Variants in CFHR4 observed in about 807,000 individuals in gnomAD.
CFHR4 encodes complement factor H related 4, also known as complement factor H-related protein 4.
CFHR4 carries 64 observed loss-of-function variants against 69.3 expected under a neutral mutation model. The ratio of observed to expected loss-of-function variants is 0.92; its 90% CI spans 0.76 to 1.14. CFHR4 has a LOEUF of 1.14. Among genes scored for constraint, CFHR4 ranks in the 50% most tolerant of loss-of-function variants. The pLI is 0.00. For synonymous variants in CFHR4, 244 were observed against 237.0 expected (o/e 1.03, Z -0.27); for missense variants, 636 against 684.9 (o/e 0.93, Z 0.80).
rs548322503 is a variant in CFHR4 at position 196,891,962 on chromosome 1, G to A, written c.58+3754G>A. Among the ~76,000 whole-genome samples, 3 of 151,426 alleles carry A rather than the reference G, an allele frequency of 2.0e-5. 1 individual carries two copies. Among genetic ancestry groups the A allele is most frequent in the South Asian group, 4.2e-4 (2 of 4,818 alleles). ...AAAATGCCACAAAACTCAACAAAATGTTTTATTTCTGGAGATAATTTGCTA... is the reference window on the plus strand; with the variant it reads ...AAAATGCCACAAAACTCAACAAAATATTTTATTTCTGGAGATAATTTGCTA... On this transcript the variant is annotated intron_variant, in intron 1 of 9. Transcript: ENST00000608469.
intron 1 of CFHR4, among the ~76,000 whole-genome samples, chr1:196,901,340 TTTAAATGAAGATACTTAAGA>T (rs1320299124): frequency 6.6e-6 from 1 of 151,350 alleles, no homozygotes; most frequent in Non-Finnish European, 1.5e-5. Context: ...TCACGTATCT[TTTAAATGAAGATACTTAAGA>T]GATGCAAGAA....
Position 196,892,150 on chromosome 1 carries a change from C to T in CFHR4, c.58+3942C>T, listed in dbSNP as rs1267655940. Among the ~76,000 whole-genome samples the T allele has an allele frequency of 2.6e-5, 4 of 151,302 alleles. 1 individual carries two copies. Among genetic ancestry groups the T allele is most frequent in the African/African-American group, 7.3e-5 (3 of 40,964 alleles). On this transcript the variant is annotated intron_variant, in intron 1 of 9. Coordinates refer to ENST00000608469, the MANE Select transcript of CFHR4 (RefSeq NM_001201550.3). ...ACGCTGATAAAATTTCCAGAATTGC[C>T]GAAGAGACCATACTACGTAGGAGAA...
Position 196,888,089 on chromosome 1 carries a change from T to C in CFHR4, c.-62T>C, listed in dbSNP as rs1558233005. ...ACACTTGGTAACTAATAATGAAAGATTTCAAACCCCAAACAGTGCAACTGA... is the reference window on the plus strand; with the variant it reads ...ACACTTGGTAACTAATAATGAAAGACTTCAAACCCCAAACAGTGCAACTGA... On this transcript the variant is annotated 5_prime_UTR_variant, in exon 1 of 10. Coordinates refer to ENST00000608469, the MANE Select transcript of CFHR4 (RefSeq NM_001201550.3). 6.5e-7 allele frequency: 1 copy of C among 1,547,820 alleles called. No homozygotes were observed. Among genetic ancestry groups the C allele is most frequent in the Non-Finnish European group, 8.9e-7 (1 of 1,124,358 alleles).
rs114923952 is a variant in CFHR4 at position 196,900,305 on chromosome 1, A to T, written c.59-2113A>T. Among the ~76,000 whole-genome samples the T allele has an allele frequency of 3.7e-3, 497 of 135,728 alleles. 19 individuals are homozygous for T. Among genetic ancestry groups the T allele is most frequent in the African/African-American group, 0.013 (467 of 35,706 alleles). 89.0% of individuals were successfully genotyped at this position (135,728 alleles called of 152,430 possible). On this transcript the variant is annotated intron_variant, in intron 1 of 9. Transcript: ENST00000608469. ...TTCTGCTGACTTCAGTGCCAATCAGATCATAGGTGGAATTTTTTTTTTTTT... is the reference window on the plus strand; with the variant it reads ...TTCTGCTGACTTCAGTGCCAATCAGTTCATAGGTGGAATTTTTTTTTTTTT...
At chr1:196,907,804 A>G (rs1374794779) in intron 5 of CFHR4, among the ~76,000 whole-genome samples, 1 of 151,458 alleles carries the variant, frequency 6.6e-6, no homozygotes, top group Non-Finnish European at 1.5e-5. Flanking sequence ...TCTCACCTTA[A>G]CATCAATAAC....
chr1:196,914,760 T>C (rs1184180686), intron 8 of CFHR4, 89 bp downstream of exon 8: 3 of 1,413,854 alleles, frequency 2.1e-6, no homozygotes, highest in East Asian at 5.0e-5. Flanking sequence ...TGTGTACATA[T>C]ATGTACATAT....
At position 196,904,081 on chromosome 1, in the gene CFHR4, A is replaced by G. The variant is rs145608329; in HGVS notation, c.257-1027A>G. On this transcript the variant is annotated intron_variant, in intron 2 of 9. Coordinates refer to ENST00000608469, the MANE Select transcript of CFHR4 (RefSeq NM_001201550.3). ...TGGTAATCTTCTTACACATTCATAG[A>G]AGCACTGCCCTCAACAACAGCCTAA... Among the ~76,000 whole-genome samples the G allele has an allele frequency of 8.5e-3, 1,293 of 151,732 alleles. 59 individuals carry two copies. Among genetic ancestry groups the G allele is most frequent in the African/African-American group, 0.03 (1,235 of 41,216 alleles).
At chr1:196,909,959 C>G (rs1396757851) in intron 5 of CFHR4, among the ~76,000 whole-genome samples, 2 of 150,992 alleles carry the variant, frequency 1.3e-5, no homozygotes, top group African/African-American at 4.9e-5. Context: ...CGAGACCAGC[C>G]TGACCAATAT....
Position 196,918,242 on chromosome 1 carries a change from A to T in CFHR4, c.1573A>T (p.Lys525Ter). The T allele has an allele frequency of 6.2e-7, 1 of 1,605,436 alleles. No individual in the cohort carries two copies. Among genetic ancestry groups the T allele is most frequent in the South Asian group, 1.1e-5 (1 of 90,890 alleles). Residue 525 changes from lysine (K) to a stop codon, truncating the protein, a stop_gained, in exon 10 of 10, where the codon AAA (lysine) becomes TAA (stop). Coordinates refer to ENST00000608469, the MANE Select transcript of CFHR4 (RefSeq NM_001201550.3). LOFTEE classifies it low-confidence loss of function (END_TRUNC). ...PCIITEENMNKNNIQLKGKSD... is the reference protein window; with the variant it reads ...PCIITEENMN ...TATAATAACTGAAGAAAACATGAAT[A>T]AAAATAACATACAGTTAAAAGGAAA...
At chr1:196,905,081 C>G in intron 2 of CFHR4, 27 bp from the exon 3 acceptor site, 1 of 1,551,000 alleles carries the variant, frequency 6.4e-7, no homozygotes, top group Non-Finnish European at 8.8e-7. Flanking sequence ...CAAATATTTA[C>G]TTTTTTCTCT....
intron 1 of CFHR4, among the ~76,000 whole-genome samples, chr1:196,894,282 T>C (rs1164149070): frequency 6.6e-6 from 1 of 151,530 alleles, no homozygotes; most frequent in Non-Finnish European, 1.5e-5. Flanking sequence ...TAATAATTGT[T>C]TTTCTAAACT....
chr1:196,897,995 T>A (rs1657402979), intron 1 of CFHR4, among the ~76,000 whole-genome samples: 2 of 151,514 alleles, frequency 1.3e-5, no homozygotes, highest in African/African-American at 4.9e-5. Context: ...CTGTGTGGAA[T>A]ACATGGATGG....
rs761767894 is a variant in CFHR4, at chr1:196,912,895, G to A, written c.1153G>A (p.Gly385Arg). Reference protein sequence around the residue: ...SSGSITCLQNGWSAQPICIKF... With the variant: ...SSGSITCLQNRWSAQPICIKF... ...AGGTTCAATTACATGTTTGCAAAAT[G>A]GATGGTCAGCACAACCAATTTGCAT... is the stretch of plus-strand genomic sequence containing the variant. The change falls in exon 7 of 10, where the codon GGA (glycine) becomes AGA (arginine). Residue 385 changes from glycine (G) to arginine (R), a missense_variant. Coordinates refer to ENST00000608469, the MANE Select transcript of CFHR4 (RefSeq NM_001201550.3). The A allele has an allele frequency of 1.6e-5, 26 of 1,611,590 alleles. No homozygotes were observed. In the Admixed American group the frequency reaches 4.0e-4, roughly 25 times the overall value.
At chr1:196,888,232 C>A (rs761581191) in intron 1 of CFHR4, 24 bp downstream of exon 1, 9 of 1,605,742 alleles carry the variant, frequency 5.6e-6, no homozygotes, top group South Asian at 2.2e-5. Context: ...GATCTAAACA[C>A]TCAGCTTCCC....
intron 1 of CFHR4, among the ~76,000 whole-genome samples, chr1:196,901,499 G>T (rs556122313): frequency 2.6e-5 from 4 of 151,252 alleles, no homozygotes; most frequent in African/African-American, 7.3e-5. Context: ...AATATTGTGC[G>T]TGTGTGTGTG....
In CFHR4 at chr1:196,917,565, C is replaced by T. The variant is rs192013145; in HGVS notation, c.1541-645C>T. Among the ~76,000 whole-genome samples the T allele has an allele frequency of 3.3e-3, 502 of 151,342 alleles. 19 individuals are homozygous for T. Among genetic ancestry groups the T allele is most frequent in the African/African-American group, 0.011 (469 of 40,960 alleles). ...ATCATGTAGGGATTCACATTAACTCCTGTGTGCTTATCCTTGCCTCTTTAA... is the reference window on the plus strand; with the variant it reads ...ATCATGTAGGGATTCACATTAACTCTTGTGTGCTTATCCTTGCCTCTTTAA... On this transcript the variant is annotated intron_variant, in intron 9 of 9. Transcript: ENST00000608469.
At chr1:196,912,078 T>A (rs1378425703) in intron 6 of CFHR4, among the ~76,000 whole-genome samples, 3 of 151,404 alleles carry the variant, frequency 2.0e-5, no homozygotes, top group Non-Finnish European at 4.4e-5. Flanking sequence ...AAATAATTAC[T>A]ACCTTATACA....
At position 196,905,264 on chromosome 1, in the gene CFHR4, G is replaced by T. The variant is rs779625743; in HGVS notation, c.413G>T (p.Gly138Val). The T allele has an allele frequency of 2.4e-5, 39 of 1,611,224 alleles. No homozygotes were observed. Among genetic ancestry groups the T allele is most frequent in the Non-Finnish European group, 3.1e-5 (36 of 1,178,758 alleles). The change falls in exon 3 of 10, where the codon GGA becomes GTA. Residue 138 changes from glycine to valine, a missense_variant. Physicochemically the swap from Gly to Val is moderately radical, Grantham distance 109 (BLOSUM62 -3). Coordinates refer to ENST00000608469, the MANE Select transcript of CFHR4 (RefSeq NM_001201550.3). ...SSGSITCLQNGWSTQPICIKF... is the reference protein window; with the variant it reads ...SSGSITCLQNVWSTQPICIKF... The stretch of plus-strand genomic sequence containing the variant: ...GGATCAATTACATGTTTGCAAAATG[G>T]ATGGTCAACACAACCAATTTGCATT...
rs1358131321 is a variant in CFHR4, at chr1:196,910,450, T to C, written c.969T>C (p.Asp323=). 4 of 1,612,826 alleles carry C rather than the reference T, an allele frequency of 2.5e-6. No homozygotes were observed. The Admixed American group carries it at 5.0e-5, about 20-fold the overall frequency. ...SYWDYIHCTQ[D]GWLPTVPCLR... is the part of the protein sequence containing the mutation. ...GGGATTACATTCACTGCACACAAGA[T>C]GGGTGGTTGCCAACAGTCCCATGCC... is the stretch of plus-strand genomic sequence containing the variant. Residue 323 remains aspartate, a synonymous_variant, in exon 6 of 10, where the codon GAT becomes GAC. Coordinates refer to ENST00000608469, the MANE Select transcript of CFHR4 (RefSeq NM_001201550.3).
Sources: gnomAD v4.1 joint callset for allele counts (sites outside exome capture counted in the v4.1 genomes callset) on GRCh38, gnomAD v4.1.1 for gene constraint, MANE v1.5 for transcripts, NCBI Gene and HGNC (gene_info 2026-07-23, HGNC 2026-07-21) for gene names.